Variants in PCDH9 observed in about 807,000 individuals in gnomAD.
The protein encoded by PCDH9 is protocadherin 9.
In PCDH9, 24 loss-of-function variants were observed where a neutral mutation model predicts 70.6. The observed-to-expected ratio is 0.34, with a 90% CI of 0.25 to 0.48. The LOEUF (loss-of-function observed/expected upper bound fraction) is 0.48. Ranked by LOEUF, PCDH9 falls within the 20% of genes least tolerant of loss-of-function variation. PCDH9 has a pLI of 0.99. For missense variants in PCDH9, 1,281 were observed against 1,503.6 expected (o/e 0.85, Z 2.45); for synonymous variants, 562 against 558.5 (o/e 1.01, Z -0.09).
At position 66,525,855 on chromosome 13, in the gene PCDH9, G is replaced by A. The variant is rs1257585226; in HGVS notation, c.3340+105355C>T. 3.3e-5 allele frequency among the ~76,000 whole-genome samples: 5 copies of A among 152,196 alleles called. No homozygotes were observed. In the East Asian group the frequency reaches 7.7e-4, roughly 23 times the overall value. On this transcript the variant is annotated intron_variant, in intron 4 of 4. Coordinates refer to ENST00000377865, the MANE Select transcript of PCDH9 (RefSeq NM_203487.3). ...TTCACCTTGTTGTCTAAGCTAAGAC[G>A]ACATACGTTCTTCACTTTATTCTCT...
At chr13:67,127,617 G>T (rs34505256) in intron 2 of PCDH9, among the ~76,000 whole-genome samples, 35,042 of 150,936 alleles carry the variant, frequency 0.23, 4,153 homozygotes, top group Middle Eastern at 0.28. Context: ...AGTTACTCTG[G>T]CCTTCTCTGA....
At chr13:66,892,438 A>T (rs1566271559) in intron 3 of PCDH9, among the ~76,000 whole-genome samples, 1 of 151,964 alleles carries the variant, frequency 6.6e-6, no homozygotes, top group East Asian at 1.9e-4. Context: ...GTGGCCTGAC[A>T]TCCAAAATTT....
rs573392873 is a variant in PCDH9, at chr13:67,060,318, G to A, written c.3037-156713C>T. 2.6e-5 allele frequency among the ~76,000 whole-genome samples: 4 copies of A among 152,120 alleles called. No homozygotes were observed. In the East Asian group the frequency reaches 7.7e-4, roughly 29 times the overall value. On this transcript the variant is annotated intron_variant, in intron 2 of 4. Coordinates refer to ENST00000377865, the MANE Select transcript of PCDH9 (RefSeq NM_203487.3). The stretch of plus-strand genomic sequence containing the variant: ...CTCCCATTTTATCCAGGAGGAAATG[G>A]AAGTTCTGAAAAGTGAGGTAATTTT...
intron 4 of PCDH9, among the ~76,000 whole-genome samples, chr13:66,619,621 A>G (rs2077398803): frequency 6.6e-6 from 1 of 152,158 alleles, no homozygotes. Flanking sequence ...TTGTAAATTA[A>G]GCCTGCATTA....
intron 2 of PCDH9, chr13:67,209,087 G>A (rs61960877): frequency 1.3e-5 from 2 of 152,068 alleles, no homozygotes; most frequent in Non-Finnish European, 2.9e-5. Flanking sequence ...AAACACTGGA[G>A]TATTGTTCTG....
chr13:66,418,963 C>G (rs1032257158), intron 4 of PCDH9, among the ~76,000 whole-genome samples: 1 of 152,134 alleles, frequency 6.6e-6, no homozygotes, highest in African/African-American at 2.4e-5. Flanking sequence ...ACAAATACCT[C>G]TGTGTAAATA....
At chr13:66,505,120 A>C (rs1286037764) in intron 4 of PCDH9, among the ~76,000 whole-genome samples, 1 of 152,148 alleles carries the variant, frequency 6.6e-6, no homozygotes, top group Non-Finnish European at 1.5e-5. Context: ...CACTCTTCCT[A>C]TGTTTCTCAG....
At chr13:66,879,729 G>GA (rs963350024) in intron 3 of PCDH9, among the ~76,000 whole-genome samples, 6 of 151,560 alleles carry the variant, frequency 4.0e-5, no homozygotes, top group Non-Finnish European at 7.4e-5. Context: ...GTAGAGATAT[G>GA]AAAAAAAATG....
intron 2 of PCDH9, among the ~76,000 whole-genome samples, chr13:66,917,278 G>A (rs2082571932): frequency 6.6e-6 from 1 of 151,438 alleles, no homozygotes; most frequent in Non-Finnish European, 1.5e-5. Context: ...TATGTTGCTT[G>A]TAAAATTGGT....
At chr13:67,214,973 T>TATATATATATATATATATATATATATA (rs56334218) in intron 2 of PCDH9, 7 of 126,416 alleles carry the variant, frequency 5.5e-5, no homozygotes, top group Non-Finnish European at 1.0e-4. Flanking sequence ...TATATATATA[T>TATATATATATATATATATATATATATA]TCACTTAATC....
intron 4 of PCDH9, among the ~76,000 whole-genome samples, chr13:66,334,788 C>CA (rs545226730): frequency 2.7e-4 from 41 of 151,734 alleles, no homozygotes; most frequent in African/African-American, 9.4e-4. Context: ...AGCTTCACAA[C>CA]AAAAAAAATT....
At chr13:66,476,128 A>T (rs1321513346) in intron 4 of PCDH9, among the ~76,000 whole-genome samples, 4 of 152,046 alleles carry the variant, frequency 2.6e-5, no homozygotes, top group Non-Finnish European at 1.5e-5. Flanking sequence ...ATGCCCTAGA[A>T]TCATACCTGA....
intron 2 of PCDH9, among the ~76,000 whole-genome samples, chr13:66,998,547 C>A (rs2084170117): frequency 6.6e-6 from 1 of 152,164 alleles, no homozygotes; most frequent in African/African-American, 2.4e-5. Context: ...CTTCTTCAAA[C>A]TTCCTCTTCC....
intron 3 of PCDH9, among the ~76,000 whole-genome samples, chr13:66,710,862 T>C (rs1266255843): frequency 3.3e-5 from 5 of 152,148 alleles, no homozygotes; most frequent in Non-Finnish European, 1.5e-5. Flanking sequence ...CATCCTTCCA[T>C]AGCCACATTC....
chr13:66,665,194 C>T (rs369391222), intron 3 of PCDH9, among the ~76,000 whole-genome samples: 5 of 151,600 alleles, frequency 3.3e-5, no homozygotes, highest in Non-Finnish European at 5.9e-5. Context: ...ACAACTTCCA[C>T]CTCCCAGGTT....
chr13:66,872,709 C>T (rs1257541166), intron 3 of PCDH9, among the ~76,000 whole-genome samples: 1 of 152,008 alleles, frequency 6.6e-6, no homozygotes, highest in African/African-American at 2.4e-5. Context: ...ACAGGTATCC[C>T]ATAGGTCAAA....
chr13:67,007,625 C>T lies in PCDH9; in HGVS notation c.3037-104020G>A, dbSNP rs74093506. On this transcript the variant is annotated intron_variant, in intron 2 of 4. Coordinates refer to ENST00000377865, the MANE Select transcript of PCDH9 (RefSeq NM_203487.3). Reference sequence around the variant, plus strand: ...ACTCATTCAGCAAAAAGTTGTGAACCATATTGTATATTCAGGCCGTGTATA... The same window carrying T: ...ACTCATTCAGCAAAAAGTTGTGAACTATATTGTATATTCAGGCCGTGTATA... Among the ~76,000 whole-genome samples, 786 of 152,144 alleles carry T rather than the reference C, an allele frequency of 5.2e-3. 3 individuals carry two copies. The highest frequency in any genetic ancestry group is 0.018 in the African/African-American group (730 of 41,516).
intron 4 of PCDH9, among the ~76,000 whole-genome samples, chr13:66,468,749 G>A (rs1958561185): frequency 6.6e-6 from 1 of 152,058 alleles, no homozygotes; most frequent in African/African-American, 2.4e-5. Context: ...CACATATGAT[G>A]TCCATATCTA....
At chr13:66,641,859 A>C (rs550108550) in intron 3 of PCDH9, among the ~76,000 whole-genome samples, 1 of 152,308 alleles carries the variant, frequency 6.6e-6, no homozygotes, top group African/African-American at 2.4e-5. Context: ...ATTTCTTCTT[A>C]GTAATGGTAT....
Sources: allele counts gnomAD v4.1 joint callset (sites outside exome capture counted in the v4.1 genomes callset), GRCh38; gene constraint gnomAD v4.1.1; transcripts MANE v1.5; gene names NCBI Gene and HGNC (gene_info 2026-07-23, HGNC 2026-07-21).